TBC1D19: variants seen among roughly 807,000 people sequenced by gnomAD.
TBC1D19 encodes the protein TBC1 domain family, member 19.
In TBC1D19, 60 loss-of-function variants were observed where a neutral mutation model predicts 89.0. That is an observed-to-expected ratio of 0.67 (90% CI 0.55 to 0.84). The LOEUF (loss-of-function observed/expected upper bound fraction) is 0.84. TBC1D19 is among the 40% of genes least tolerant of loss of function. The pLI, the probability that TBC1D19 is intolerant of heterozygous loss-of-function variation, is 0.00. For synonymous variants in TBC1D19, 189 were observed against 199.7 expected (o/e 0.95, Z 0.45); for missense variants, 500 against 610.8 (o/e 0.82, Z 1.91).
the TBC1D19 span, among the ~76,000 whole-genome samples, chr4:26,823,864 T>C: frequency 6.6e-6 from 1 of 152,368 alleles, no homozygotes; most frequent in East Asian, 1.9e-4. Flanking sequence ...TTCTTTGTTA[T>C]GGTTTTTACC....
chr4:26,759,531 C>A (rs114037161), downstream of TBC1D19, among the ~76,000 whole-genome samples: 824 of 152,110 alleles, frequency 5.4e-3, 7 homozygotes, highest in African/African-American at 0.019. Flanking sequence ...TAAGTCTTAA[C>A]AAATGTATAT....
intron 3 of TBC1D19, among the ~76,000 whole-genome samples, chr4:26,619,324 C>T (rs532044971): frequency 2.0e-5 from 3 of 152,102 alleles, no homozygotes; most frequent in Admixed American, 2.0e-4. Context: ...CCTGCCTCAG[C>T]CTCCCCAGTA....
intron 9 of TBC1D19, among the ~76,000 whole-genome samples, chr4:26,667,151 C>A (rs905392366): frequency 6.6e-6 from 1 of 151,900 alleles, no homozygotes; most frequent in Non-Finnish European, 1.5e-5. Context: ...TGGGCACATA[C>A]TATATGTTGC....
intron 13 of TBC1D19, among the ~76,000 whole-genome samples, chr4:26,706,153 A>G (rs1715725940): frequency 6.6e-6 from 1 of 152,204 alleles, no homozygotes; most frequent in Non-Finnish European, 1.5e-5. Context: ...CAGTGAAGCC[A>G]TCAGGACCAA....
chr4:26,725,835 A>G (rs1052074643), intron 15 of TBC1D19, among the ~76,000 whole-genome samples: 1 of 152,220 alleles, frequency 6.6e-6, no homozygotes, highest in African/African-American at 2.4e-5. Context: ...AGCACCTAGA[A>G]TCATGCATGG....
intron 9 of TBC1D19, among the ~76,000 whole-genome samples, chr4:26,669,417 A>G (rs905789698): frequency 6.6e-6 from 1 of 151,812 alleles, no homozygotes; most frequent in Non-Finnish European, 1.5e-5. Flanking sequence ...TCATTTTAAC[A>G]GAAGTTTTTT....
chr4:26,790,031 G>A, the TBC1D19 span, among the ~76,000 whole-genome samples: 1 of 152,200 alleles, frequency 6.6e-6, no homozygotes, highest in Non-Finnish European at 1.5e-5. Context: ...AGACTTGGAA[G>A]GGTGAGAGGG....
the TBC1D19 span, among the ~76,000 whole-genome samples, chr4:26,761,397 T>C: frequency 6.6e-6 from 1 of 152,216 alleles, no homozygotes; most frequent in Non-Finnish European, 1.5e-5. Context: ...TTTTGTAGTT[T>C]TCAATGTACA....
chr4:26,606,794 A>G (rs920662831), intron 1 of TBC1D19, among the ~76,000 whole-genome samples: 2 of 152,200 alleles, frequency 1.3e-5, no homozygotes, highest in African/African-American at 4.8e-5. Flanking sequence ...AGCAGGAAAG[A>G]TGAGGTCTCT....
intron 1 of TBC1D19, among the ~76,000 whole-genome samples, chr4:26,590,806 T>TTTTTTTG (rs1553893918): frequency 8.4e-6 from 1 of 118,962 alleles, no homozygotes; most frequent in Non-Finnish European, 1.8e-5. Flanking sequence ...GTTTTTTTTT[T>TTTTTTTG]TTTTTTTTTT....
chr4:26,651,729 G>A (rs1242570757), intron 7 of TBC1D19, among the ~76,000 whole-genome samples: 1 of 152,048 alleles, frequency 6.6e-6, no homozygotes, highest in Non-Finnish European at 1.5e-5. Flanking sequence ...GATTGCCATG[G>A]CCAGAACTTT....
chr4:26,743,000 A>T (rs1718459408), intron 18 of TBC1D19, among the ~76,000 whole-genome samples: 1 of 152,150 alleles, frequency 6.6e-6, no homozygotes, highest in Non-Finnish European at 1.5e-5. Flanking sequence ...ATAAAAGTTA[A>T]AGTTGGCTGT....
chr4:26,820,860 C>G, the TBC1D19 span, among the ~76,000 whole-genome samples: 143 of 152,314 alleles, frequency 9.4e-4, 1 homozygote, highest in Middle Eastern at 3.4e-3. Flanking sequence ...TGGTGATCAT[C>G]TTTACCCCCA....
chr4:26,818,265 T>C, the TBC1D19 span, among the ~76,000 whole-genome samples: 1 of 152,228 alleles, frequency 6.6e-6, no homozygotes, highest in Non-Finnish European at 1.5e-5. Flanking sequence ...TCTTGCTCTG[T>C]TGTCCAGGCT....
the TBC1D19 span, among the ~76,000 whole-genome samples, chr4:26,783,560 A>AT: frequency 6.8e-5 from 10 of 147,416 alleles, no homozygotes; most frequent in African/African-American, 2.1e-4. Context: ...TAAAAAGCAC[A>AT]TTTTTTAAAA....
intron 1 of TBC1D19, among the ~76,000 whole-genome samples, chr4:26,606,127 G>A (rs536108816): frequency 1.3e-3 from 204 of 152,204 alleles, no homozygotes; most frequent in African/African-American, 4.4e-3. Context: ...GGGATCACAG[G>A]TATGGTATAT....
chr4:26,817,988 A>G, the TBC1D19 span, among the ~76,000 whole-genome samples: 1 of 140,780 alleles, frequency 7.1e-6, no homozygotes, highest in Non-Finnish European at 1.5e-5. Flanking sequence ...AAAAATATAT[A>G]TATATATATA....
At chr4:26,639,487 TTAAAAA>T (rs1463999418) in intron 6 of TBC1D19, among the ~76,000 whole-genome samples, 1 of 152,180 alleles carries the variant, frequency 6.6e-6, no homozygotes, top group Non-Finnish European at 1.5e-5. Context: ...TATTGGGTTG[TTAAAAA>T]TAGGATAAAT....
chr4:26,700,431 T>C (rs1715223356), intron 13 of TBC1D19, among the ~76,000 whole-genome samples: 1 of 152,178 alleles, frequency 6.6e-6, no homozygotes, highest in African/African-American at 2.4e-5. Flanking sequence ...AGTTCTGTCT[T>C]CAAATATCTT....
Sources: allele counts gnomAD v4.1 joint callset (sites outside exome capture counted in the v4.1 genomes callset), GRCh38; gene constraint gnomAD v4.1.1; transcripts MANE v1.5; gene names NCBI Gene and HGNC (gene_info 2026-07-23, HGNC 2026-07-21).